CNTN3: variants seen among roughly 807,000 people sequenced by gnomAD.
The protein encoded by CNTN3 is contactin-3.
In CNTN3, 60 loss-of-function variants were observed where a neutral mutation model predicts 119.1. That is an observed-to-expected ratio of 0.50 (90% CI 0.41 to 0.62). The LOEUF is 0.62. Among genes scored for constraint, CNTN3 ranks in the 20% least tolerant of loss-of-function variants. The pLI, the probability that CNTN3 is intolerant of heterozygous loss-of-function variation, is 0.00. For missense variants in CNTN3, 1,101 were observed against 1,242.4 expected (o/e 0.89, Z 1.71); for synonymous variants, 450 against 438.7 (o/e 1.03, Z -0.32).
At chr3:74,492,764 T>G (rs937566305) in intron 3 of CNTN3, among the ~76,000 whole-genome samples, 3 of 151,616 alleles carry the variant, frequency 2.0e-5, no homozygotes, top group African/African-American at 7.3e-5. Flanking sequence ...AAAACGAATG[T>G]GTGTGTGTGT....
intron 1 of CNTN3, among the ~76,000 whole-genome samples, chr3:74,606,957 G>A (rs557553134): frequency 2.0e-5 from 3 of 152,178 alleles, no homozygotes; most frequent in South Asian, 4.1e-4. Context: ...TATTACATAT[G>A]AAGAAAAAAA....
chr3:74,492,521 A>C (rs1702982827), intron 3 of CNTN3, among the ~76,000 whole-genome samples: 1 of 152,212 alleles, frequency 6.6e-6, no homozygotes, highest in Admixed American at 6.5e-5. Flanking sequence ...AATGAATTTG[A>C]ATACAATTTC....
intron 11 of CNTN3, among the ~76,000 whole-genome samples, chr3:74,358,232 T>G (rs935789952): frequency 2.0e-5 from 3 of 152,196 alleles, no homozygotes; most frequent in Non-Finnish European, 2.9e-5. Flanking sequence ...ATATGTTCCC[T>G]CTTTTTAAGG....
chr3:74,520,242 A>G (rs947412358), intron 2 of CNTN3, among the ~76,000 whole-genome samples: 2 of 150,964 alleles, frequency 1.3e-5, no homozygotes, highest in African/African-American at 4.9e-5. Flanking sequence ...CAGATAAAAA[A>G]AAAAGGAAAA....
chr3:74,330,355 C>CAA (rs781502877), intron 13 of CNTN3, among the ~76,000 whole-genome samples: 3 of 115,066 alleles, frequency 2.6e-5, no homozygotes, highest in Admixed American at 9.1e-5. Flanking sequence ...GACCCTGTCT[C>CAA]AAAAAAAAAA....
chr3:74,323,587 C>T (rs1046080131), intron 13 of CNTN3, among the ~76,000 whole-genome samples: 5 of 152,142 alleles, frequency 3.3e-5, no homozygotes, highest in African/African-American at 1.2e-4. Context: ...TAAGTGGATA[C>T]ATTGCATGGT....
chr3:74,453,808 C>T (rs1404268521), intron 4 of CNTN3, among the ~76,000 whole-genome samples: 1 of 151,692 alleles, frequency 6.6e-6, no homozygotes, highest in African/African-American at 2.4e-5. Flanking sequence ...TGTTCAGTTT[C>T]CATGTAGTTG....
At chr3:74,505,232 T>C (rs772526645) in intron 2 of CNTN3, among the ~76,000 whole-genome samples, 2 of 151,938 alleles carry the variant, frequency 1.3e-5, no homozygotes, top group Non-Finnish European at 2.9e-5. Flanking sequence ...AACATGTGAA[T>C]TGGGGATGAG....
chr3:74,346,344 CTTCTT>C (rs1559556980), intron 11 of CNTN3, among the ~76,000 whole-genome samples: 1 of 151,928 alleles, frequency 6.6e-6, no homozygotes, highest in Non-Finnish European at 1.5e-5. Context: ...AATAATCTCT[CTTCTT>C]TTCCAAAACA....
At chr3:74,354,956 G>C (rs17012421) in intron 11 of CNTN3, among the ~76,000 whole-genome samples, 9,004 of 152,080 alleles carry the variant, frequency 0.059, 439 homozygotes, top group East Asian at 0.21. Context: ...TTCCTAGAAA[G>C]TTGTATCCAC....
intron 2 of CNTN3, among the ~76,000 whole-genome samples, chr3:74,518,453 A>G (rs942928384): frequency 6.6e-6 from 1 of 151,886 alleles, no homozygotes; most frequent in Non-Finnish European, 1.5e-5. Flanking sequence ...ATGCTATCAA[A>G]TCATATTACA....
At chr3:74,398,384 A>C (rs1705109150) in intron 5 of CNTN3, among the ~76,000 whole-genome samples, 1 of 152,256 alleles carries the variant, frequency 6.6e-6, no homozygotes, top group Non-Finnish European at 1.5e-5. Context: ...ACTTGCTGAA[A>C]GCTCAGATGA....
intron 13 of CNTN3, among the ~76,000 whole-genome samples, chr3:74,319,721 G>T (rs1702933821): frequency 6.6e-6 from 1 of 151,066 alleles, no homozygotes; most frequent in African/African-American, 2.4e-5. Flanking sequence ...CCATCAGAGT[G>T]AACAGGCACC....
intron 1 of CNTN3, among the ~76,000 whole-genome samples, chr3:74,565,163 G>A (rs1335502813): frequency 2.0e-5 from 3 of 152,050 alleles, no homozygotes; most frequent in Admixed American, 6.6e-5. Flanking sequence ...GGCTTAAAAC[G>A]CCACAAATGC....
At chr3:74,338,846 G>C (rs1327300921) in intron 11 of CNTN3, among the ~76,000 whole-genome samples, 1 of 152,022 alleles carries the variant, frequency 6.6e-6, no homozygotes, top group Non-Finnish European at 1.5e-5. Context: ...GAACTACAGA[G>C]AAAGGTCAAA....
intron 1 of CNTN3, among the ~76,000 whole-genome samples, chr3:74,534,629 A>G (rs930396507): frequency 6.6e-6 from 1 of 152,088 alleles, no homozygotes; most frequent in Non-Finnish European, 1.5e-5. Context: ...TTAATGAGTT[A>G]GCACTGCTTT....
At chr3:74,330,558 A>G (rs1208089140) in intron 13 of CNTN3, among the ~76,000 whole-genome samples, 1 of 152,204 alleles carries the variant, frequency 6.6e-6, no homozygotes, top group Non-Finnish European at 1.5e-5. Flanking sequence ...AATAGTTTAT[A>G]CCATTTACTA....
intron 7 of CNTN3, 147 bp from the exon 8 acceptor site, chr3:74,369,520 A>G: frequency 1.9e-6 from 1 of 538,934 alleles, no homozygotes; most frequent in Non-Finnish European, 3.1e-6. Flanking sequence ...CCTGATAAAA[A>G]AGATTTAACT....
At chr3:74,606,635 C>A (rs932590876) in intron 1 of CNTN3, among the ~76,000 whole-genome samples, 2 of 151,988 alleles carry the variant, frequency 1.3e-5, no homozygotes, top group Non-Finnish European at 2.9e-5. Context: ...TGATATTTTC[C>A]AAGCAAGTCA....
Sources: gnomAD v4.1 joint callset for allele counts (sites outside exome capture counted in the v4.1 genomes callset) on GRCh38, gnomAD v4.1.1 for gene constraint, MANE v1.5 for transcripts, NCBI Gene and HGNC (gene_info 2026-07-23, HGNC 2026-07-21) for gene names.